LRGUK: variants seen among roughly 807,000 people sequenced by gnomAD.
The protein encoded by LRGUK is leucine-rich repeat and guanylate kinase domain-containing protein.
Under a neutral mutation model 76.0 loss-of-function variants are expected in LRGUK, and 65 were observed. The observed-to-expected ratio is 0.85, with a 90% CI of 0.70 to 1.05. The LOEUF is 1.05. Ranked by LOEUF, LRGUK falls within the 50% of genes least tolerant of loss-of-function variation. The pLI is 0.00. For missense variants in LRGUK, 758 were observed against 732.8 expected (o/e 1.03, Z -0.40); for synonymous variants, 268 against 265.6 (o/e 1.01, Z -0.09).
At chr7:134,130,081 G>A (rs968408111) in intron 1 of LRGUK, among the ~76,000 whole-genome samples, 7 of 151,730 alleles carry the variant, frequency 4.6e-5, no homozygotes, top group African/African-American at 7.3e-5. Context: ...ACCCCATTTT[G>A]TCTTTCCTCT....
intron 14 of LRGUK, among the ~76,000 whole-genome samples, chr7:134,199,689 G>C (rs1800668668): frequency 6.6e-6 from 1 of 151,688 alleles, no homozygotes. Context: ...GACATTGTGA[G>C]AACAAAGTTA....
chr7:134,143,279 T>C, intron 4 of LRGUK, 117 bp downstream of exon 4: 1 of 659,392 alleles, frequency 1.5e-6, no homozygotes, highest in South Asian at 1.9e-5. Context: ...GTAAGCAATG[T>C]AAGTGTCTGA....
intron 1 of LRGUK, among the ~76,000 whole-genome samples, chr7:134,130,297 C>G (rs962483520): frequency 6.6e-6 from 1 of 151,698 alleles, no homozygotes; most frequent in African/African-American, 2.4e-5. Flanking sequence ...TCCCCCCCCC[C>G]CCAGAGGAAT....
intron 5 of LRGUK, among the ~76,000 whole-genome samples, chr7:134,153,048 G>A (rs1426181284): frequency 6.6e-6 from 1 of 152,048 alleles, no homozygotes; most frequent in Non-Finnish European, 1.5e-5. Context: ...TGATTGGGCT[G>A]TGGGGGCACT....
intron 14 of LRGUK, among the ~76,000 whole-genome samples, chr7:134,200,608 G>C (rs1030410926): frequency 6.6e-6 from 1 of 152,048 alleles, no homozygotes; most frequent in Non-Finnish European, 1.5e-5. Flanking sequence ...AGATGGACAG[G>C]GGACATTAGT....
chr7:134,267,044 A>G (rs1802869360), downstream of LRGUK, among the ~76,000 whole-genome samples: 1 of 152,326 alleles, frequency 6.6e-6, no homozygotes, highest in East Asian at 1.9e-4. Context: ...AATGTCCTTC[A>G]GGTATGAAGG....
In LRGUK at chr7:134,258,419, C is replaced by T; in HGVS notation, c.2347+14C>T. 6.2e-7 allele frequency: 1 copy of T among 1,611,744 alleles called. No individual in the cohort carries two copies. The highest frequency in any genetic ancestry group is 1.1e-5 in the South Asian group (1 of 90,882). On this transcript the variant is annotated intron_variant, in intron 19 of 19. Coordinates refer to the LRGUK transcript ENST00000285928. ...AGACCCGGAAAGGTATGAGTTAGGC[C>T]AAGCGCGGTGGCTCATGCCTGTAAT...
chr7:134,195,842 A>G (rs1043732022), intron 12 of LRGUK, among the ~76,000 whole-genome samples: 4 of 152,198 alleles, frequency 2.6e-5, no homozygotes, highest in African/African-American at 9.7e-5. Flanking sequence ...AACTTTTGGA[A>G]TATATAACAT....
chr7:134,174,538 T>G lies in LRGUK; in HGVS notation c.940-18T>G. ...TGTGCATTTAGTCTGTTGATAATTT[T>G]TTTCTTTGATTGAACAGATTGCTGA... On this transcript the variant is annotated intron_variant, in intron 7 of 15. Coordinates refer to ENST00000645682, the Ensembl canonical transcript of LRGUK. 1 of 1,514,550 alleles carries G rather than the reference T, an allele frequency of 6.6e-7. No homozygotes were observed. The highest frequency in any genetic ancestry group is 1.4e-5 in the African/African-American group (1 of 72,816). 93.8% of individuals were successfully genotyped at this position (1,514,550 alleles called of 1,614,324 possible). A position where few individuals can be genotyped will look rare whatever the true frequency, so the allele number is the denominator to read the frequency against.
intron 12 of LRGUK, 118 bp downstream of exon 12, chr7:134,191,869 G>A (rs1276717642): frequency 6.0e-6 from 4 of 666,862 alleles, no homozygotes; most frequent in East Asian, 6.1e-5. Context: ...GTTATGAGAG[G>A]TGAGTTTTTA....
chr7:134,210,272 C>G, downstream of LRGUK: 1 of 398,894 alleles, frequency 2.5e-6, no homozygotes, highest in Non-Finnish European at 4.4e-6. Flanking sequence ...CAGTGTGTAA[C>G]TGTTACAAAT....
chr7:134,236,346 A>T (rs929716274), intron 16 of LRGUK, among the ~76,000 whole-genome samples: 1 of 152,120 alleles, frequency 6.6e-6, no homozygotes, highest in Non-Finnish European at 1.5e-5. Context: ...ATTCTAGTTT[A>T]GTCTTATCTA....
At chr7:134,188,645 C>T (rs975903779) in intron 11 of LRGUK, among the ~76,000 whole-genome samples, 1 of 152,060 alleles carries the variant, frequency 6.6e-6, no homozygotes, top group African/African-American at 2.4e-5. Flanking sequence ...AAATTGTGTC[C>T]AGCAAGCTAT....
At chr7:134,272,211 A>G in the LRGUK span, among the ~76,000 whole-genome samples, 21 of 152,330 alleles carry the variant, frequency 1.4e-4, no homozygotes, top group South Asian at 3.9e-3. Flanking sequence ...GAGTTTTACC[A>G]TGAATAAGTA....
intron 12 of LRGUK, among the ~76,000 whole-genome samples, chr7:134,192,264 T>C (rs1183273177): frequency 1.3e-5 from 2 of 152,210 alleles, no homozygotes; most frequent in African/African-American, 2.4e-5. Flanking sequence ...GTTCTGGACA[T>C]GTTACCATGG....
chr7:134,150,447 C>A (rs1490602881), intron 5 of LRGUK, among the ~76,000 whole-genome samples: 1 of 142,936 alleles, frequency 7.0e-6, no homozygotes, highest in Admixed American at 7.3e-5. Flanking sequence ...GGCGACAGAG[C>A]GAGACTTCGT....
At position 134,209,205 on chromosome 7, in the gene LRGUK, T is replaced by C. The variant is rs1000367726; in HGVS notation, c.2342T>C (p.Val781Ala). 15 of 398,712 alleles carry C rather than the reference T, an allele frequency of 3.8e-5. No individual in the cohort carries two copies. In the Admixed American group the frequency reaches 4.4e-4, roughly 12 times the overall value. 24.7% of individuals were successfully genotyped at this position (398,712 alleles called of 1,614,324 possible). Reference sequence around the variant, plus strand: ...GACAAGGAGTCAGGGGAGGCCCAGGTAACCCCTACTGGCCCTCCTCTGTCT... The same window carrying C: ...GACAAGGAGTCAGGGGAGGCCCAGGCAACCCCTACTGGCCCTCCTCTGTCT... Residue 781 changes from valine to alanine, a missense_variant, in exon 16 of 16, where the codon GTA (valine) becomes GCA (alanine). Physicochemically the swap from Val to Ala is moderately conservative, Grantham distance 64. Coordinates refer to ENST00000645682, the Ensembl canonical transcript of LRGUK.
intron 6 of LRGUK, among the ~76,000 whole-genome samples, chr7:134,162,739 AT>A (rs1798798261): frequency 6.7e-6 from 1 of 149,970 alleles, no homozygotes; most frequent in African/African-American, 2.5e-5. Context: ...AGGCAGGAGA[AT>A]CACTTGAACC....
At chr7:134,163,310 TG>T in intron 6 of LRGUK, 86 bp from the exon 7 acceptor site, 1 of 1,211,492 alleles carries the variant, frequency 8.3e-7, no homozygotes, top group Non-Finnish European at 1.1e-6. Flanking sequence ...TAGAGAGATT[TG>T]GGTCAGTATC....
Sources: gnomAD v4.1 joint callset for allele counts (sites outside exome capture counted in the v4.1 genomes callset) on GRCh38, gnomAD v4.1.1 for gene constraint, MANE v1.5 for transcripts, NCBI Gene and HGNC (gene_info 2026-07-23, HGNC 2026-07-21) for gene names.